The following RAB31 variants were observed in gnomAD, a reference collection of about 807,000 sequenced individuals.
The protein encoded by RAB31 is ras-related protein Rab-31.
Under a neutral mutation model 25.6 loss-of-function variants are expected in RAB31, and 21 were observed. That is an observed-to-expected ratio of 0.82 (90% CI 0.58 to 1.18). RAB31 has a LOEUF of 1.18. RAB31 is among the 50% of genes most tolerant of loss of function. The probability of loss-of-function intolerance (pLI) is 0.00; values close to 1 mark genes in which losing one functional copy is unlikely to be tolerated. For missense variants in RAB31, 196 were observed against 250.1 expected (o/e 0.78, Z 1.46); for synonymous variants, 87 against 84.0 (o/e 1.04, Z -0.20).
At chr18:9,787,635 T>C (rs1223394115) in intron 2 of RAB31, 2 of 158,654 alleles carry the variant, frequency 1.3e-5, no homozygotes, top group African/African-American at 2.4e-5. Flanking sequence ...CATGCACAAT[T>C]CACTTCTCCC....
At chr18:9,750,314 G>T (rs2068227934) in intron 1 of RAB31, among the ~76,000 whole-genome samples, 2 of 152,200 alleles carry the variant, frequency 1.3e-5, no homozygotes, top group Admixed American at 6.5e-5. Flanking sequence ...CAGCAAAACA[G>T]CAGGATACTG....
chr18:9,792,828 GGT>G (rs139492330), intron 3 of RAB31, among the ~76,000 whole-genome samples: 2,833 of 152,260 alleles, frequency 0.019, 41 homozygotes, highest in African/African-American at 0.033. Flanking sequence ...GAACCATGTT[GGT>G]TCAGGAAGTC....
At chr18:9,715,531 T>C (rs537145939) in intron 1 of RAB31, among the ~76,000 whole-genome samples, 4,478 of 140,398 alleles carry the variant, frequency 0.032, 35 homozygotes, top group Middle Eastern at 0.056. Context: ...TCTCTCTCTT[T>C]TTTTTTTTTT....
Position 9,814,935 on chromosome 18 carries a change from T to C in RAB31, c.274-181T>C, listed in dbSNP as rs2143079085. The C allele has an allele frequency of 8.6e-6, 4 of 464,902 alleles. No homozygotes were observed. In the South Asian group the frequency reaches 1.2e-4, roughly 14 times the overall value. 28.8% of individuals were successfully genotyped at this position (464,902 alleles called of 1,614,324 possible). A position where few individuals can be genotyped will look rare whatever the true frequency, so the allele number is the denominator to read the frequency against. On this transcript the variant is annotated intron_variant, in intron 4 of 6. Coordinates refer to ENST00000578921, the MANE Select transcript of RAB31 (RefSeq NM_006868.4). ...TTTAATTTTAGAAAACTTGATATGG[T>C]CTATTTAAGTATATTTCAGCTAACA...
chr18:9,775,494 C>A lies in RAB31; in HGVS notation c.119+137C>A, dbSNP rs1394676748. Reference sequence around the variant, plus strand: ...GTGAGAATCAATCCCAGCTGTAGACCGACAGAAATTCAGGGACTTCTGAGT... The same window carrying A: ...GTGAGAATCAATCCCAGCTGTAGACAGACAGAAATTCAGGGACTTCTGAGT... On this transcript the variant is annotated intron_variant, in intron 2 of 6. Coordinates refer to ENST00000578921, the MANE Select transcript of RAB31 (RefSeq NM_006868.4). 3 of 1,453,860 alleles carry A rather than the reference C, an allele frequency of 2.1e-6. No homozygotes were observed. In the African/African-American group the frequency reaches 4.3e-5, roughly 21 times the overall value. The allele number at this position is 1,453,860 out of a possible 1,614,324, so 90.1% of individuals were successfully genotyped here.
intron 2 of RAB31, among the ~76,000 whole-genome samples, chr18:9,780,540 A>T (rs2068397912): frequency 6.6e-6 from 1 of 152,170 alleles, no homozygotes. Flanking sequence ...CATTTTGTGA[A>T]TTTCATGCCA....
rs750515427 is a variant in RAB31, at chr18:9,708,385, G to A, written c.-21G>A. On this transcript the variant is annotated 5_prime_UTR_variant, in exon 1 of 7. Transcript: ENST00000578921. The surrounding 1 kb of genome is among the most constrained non-coding windows in gnomAD (Gnocchi z 6.4). ...CCCCGGAGGATGCTGCTGAGCCCCGGCACTGCCTGGCTGCGAGCACATGAT... is the reference window on the plus strand; with the variant it reads ...CCCCGGAGGATGCTGCTGAGCCCCGACACTGCCTGGCTGCGAGCACATGAT... 1.3e-6 allele frequency: 2 copies of A among 1,547,760 alleles called. No homozygotes were observed. Among genetic ancestry groups the A allele is most frequent in the Non-Finnish European group, 1.7e-6 (2 of 1,147,500 alleles).
intron 1 of RAB31, among the ~76,000 whole-genome samples, chr18:9,715,720 A>G (rs997866618): frequency 6.6e-6 from 1 of 151,818 alleles, no homozygotes; most frequent in African/African-American, 2.4e-5. Flanking sequence ...TTTAGTAGAG[A>G]TGGCGTTTCA....
intron 3 of RAB31, among the ~76,000 whole-genome samples, chr18:9,811,247 T>C (rs1460530984): frequency 6.6e-6 from 1 of 152,182 alleles, no homozygotes; most frequent in Admixed American, 6.5e-5. Flanking sequence ...CTCCCTTTTC[T>C]GAAACCCGCA....
At chr18:9,739,690 T>G (rs935013490) in intron 1 of RAB31, among the ~76,000 whole-genome samples, 1 of 152,218 alleles carries the variant, frequency 6.6e-6, no homozygotes, top group African/African-American at 2.4e-5. Context: ...TTATAGTGAC[T>G]TCAGCTTTTT....
intron 1 of RAB31, among the ~76,000 whole-genome samples, chr18:9,773,244 T>A (rs1260766565): frequency 6.6e-6 from 1 of 152,160 alleles, no homozygotes; most frequent in Admixed American, 6.5e-5. Flanking sequence ...GTAAAAATAA[T>A]TCAGATTGCC....
At chr18:9,808,323 T>A (rs2068552783) in intron 3 of RAB31, among the ~76,000 whole-genome samples, 1 of 152,100 alleles carries the variant, frequency 6.6e-6, no homozygotes, top group Admixed American at 6.5e-5. Context: ...GCAAAGCAAG[T>A]GGTGGTTTGT....
intron 3 of RAB31, among the ~76,000 whole-genome samples, chr18:9,804,662 A>T (rs1214280272): frequency 6.6e-6 from 1 of 152,226 alleles, no homozygotes; most frequent in East Asian, 1.9e-4. Context: ...TGAATAGGAA[A>T]TTAGCAAATA....
chr18:9,851,954 T>A (rs1292601735), intron 6 of RAB31, among the ~76,000 whole-genome samples: 1 of 151,388 alleles, frequency 6.6e-6, no homozygotes, highest in African/African-American at 2.4e-5. Flanking sequence ...ATATTTCATA[T>A]ATTTCATAAT....
intron 1 of RAB31, among the ~76,000 whole-genome samples, chr18:9,769,351 T>C (rs1304358840): frequency 1.3e-5 from 2 of 152,262 alleles, no homozygotes; most frequent in East Asian, 1.9e-4. Context: ...TCCATTTGTA[T>C]GTGTCCTCTC....
intron 4 of RAB31, 59 bp from the exon 5 acceptor site, chr18:9,815,057 T>G (rs57521478): frequency 0.071 from 86,490 of 1,221,596 alleles, 4,837 homozygotes; most frequent in East Asian, 0.32. Context: ...GTATTTCTGC[T>G]TAGTTGAAAT....
chr18:9,801,813 G>A (rs1790329199), intron 3 of RAB31, among the ~76,000 whole-genome samples: 1 of 152,202 alleles, frequency 6.6e-6, no homozygotes, highest in African/African-American at 2.4e-5. Flanking sequence ...TATAGTCTTA[G>A]CTCTCACTTT....
intron 5 of RAB31, among the ~76,000 whole-genome samples, chr18:9,817,225 A>G (rs2068603544): frequency 2.6e-5 from 4 of 152,092 alleles, no homozygotes; most frequent in African/African-American, 7.2e-5. Context: ...CCCCCTAATT[A>G]TGGGACTAAT....
At chr18:9,753,482 T>G (rs1473574173) in intron 1 of RAB31, among the ~76,000 whole-genome samples, 4 of 152,236 alleles carry the variant, frequency 2.6e-5, no homozygotes, top group African/African-American at 9.6e-5. Flanking sequence ...ATGCAGCTCC[T>G]CAACCTTGGA....
Sources: allele counts gnomAD v4.1 joint callset (sites outside exome capture counted in the v4.1 genomes callset), GRCh38; gene constraint gnomAD v4.1.1; non-coding constraint Gnocchi (gnomAD v3.1); transcripts MANE v1.5; gene names NCBI Gene and HGNC (gene_info 2026-07-23, HGNC 2026-07-21).